PDE1C: variants seen among roughly 807,000 people sequenced by gnomAD.
The protein encoded by PDE1C is dual specificity calcium/calmodulin-dependent 3',5'-cyclic nucleotide phosphodiesterase 1C.
PDE1C carries 62 observed loss-of-function variants against 93.1 expected under a neutral mutation model. The ratio of observed to expected loss-of-function variants is 0.67; its 90% CI spans 0.54 to 0.82. The LOEUF is 0.82. Ranked by LOEUF, PDE1C falls within the 40% of genes least tolerant of loss-of-function variation. PDE1C has a pLI of 0.00. For synonymous variants in PDE1C, 325 were observed against 310.1 expected, an observed-to-expected ratio of 1.05 and a Z score of -0.50; for missense variants, 742 against 884.6, an observed-to-expected ratio of 0.84 and a Z score of 2.04.
At chr7:31,819,112 T>G in intron 14 of PDE1C, among the ~76,000 whole-genome samples, 1 of 152,166 alleles carries the variant, frequency 6.6e-6, no homozygotes, top group East Asian at 1.9e-4. Flanking sequence ...GAGCCTATCC[T>G]ACTGTATGAT....
the PDE1C span, among the ~76,000 whole-genome samples, chr7:31,626,648 G>C: frequency 6.6e-6 from 1 of 152,158 alleles, no homozygotes; most frequent in East Asian, 1.9e-4. Context: ...GTGACACCAT[G>C]CTGTAAAGGA....
At chr7:32,130,580 A>G (rs1378642623) in intron 3 of PDE1C, among the ~76,000 whole-genome samples, 2 of 151,964 alleles carry the variant, frequency 1.3e-5, no homozygotes, top group East Asian at 3.9e-4. Flanking sequence ...TTGTTCCTCA[A>G]CCTCAAAATA....
At chr7:31,712,286 G>GTGAGTGAATGAA in the PDE1C span, among the ~76,000 whole-genome samples, 12 of 151,406 alleles carry the variant, frequency 7.9e-5, no homozygotes, top group African/African-American at 2.9e-4. Context: ...GAGTGAGTGA[G>GTGAGTGAATGAA]TGAATGAATG....
chr7:32,000,155 T>A (rs537734735), intron 2 of PDE1C, among the ~76,000 whole-genome samples: 1 of 152,212 alleles, frequency 6.6e-6, no homozygotes, highest in Non-Finnish European at 1.5e-5. Flanking sequence ...TAGACTGTAC[T>A]AATGTAAACT....
intron 3 of PDE1C, among the ~76,000 whole-genome samples, chr7:32,095,352 A>C (rs1023674828): frequency 6.6e-6 from 1 of 152,240 alleles, no homozygotes; most frequent in African/African-American, 2.4e-5. Flanking sequence ...TGCCCATGAC[A>C]GGCAGATCCA....
chr7:32,422,198 A>C (rs1214912104), intron 1 of PDE1C, among the ~76,000 whole-genome samples: 3 of 152,162 alleles, frequency 2.0e-5, no homozygotes, highest in Non-Finnish European at 4.4e-5. Context: ...ATTTAGATTA[A>C]CTCAGCGCAG....
At chr7:31,642,062 C>A in the PDE1C span, 1 of 568,576 alleles carries the variant, frequency 1.8e-6, no homozygotes, top group South Asian at 3.3e-5. Flanking sequence ...TTCTTCCACA[C>A]AGTGGGCATT....
chr7:32,294,739 T>C (rs1461945373), intron 1 of PDE1C, among the ~76,000 whole-genome samples: 2 of 152,174 alleles, frequency 1.3e-5, no homozygotes, highest in Non-Finnish European at 2.9e-5. Context: ...AAATACAAGG[T>C]ACTGCACCTA....
At chr7:32,085,941 C>T (rs1387485511) in intron 3 of PDE1C, among the ~76,000 whole-genome samples, 1 of 150,758 alleles carries the variant, frequency 6.6e-6, no homozygotes, top group East Asian at 1.9e-4. Flanking sequence ...TGAAAACTGA[C>T]ACAAGACAGG....
At chr7:32,370,229 C>T (rs1311924502) in intron 1 of PDE1C, among the ~76,000 whole-genome samples, 4 of 152,110 alleles carry the variant, frequency 2.6e-5, no homozygotes, top group Non-Finnish European at 5.9e-5. Flanking sequence ...GAGGGCGGAT[C>T]ACGAGGTCAG....
Position 31,753,570 on chromosome 7 carries a change from G to A in PDE1C, c.1961-17C>T, listed in dbSNP as rs760096964. Reference sequence around the variant, plus strand: ...GCTTGATGACTGGCGGCCATGGAAAGGAAGACAGACAACGGTTAGCCTCAC... The same window carrying A: ...GCTTGATGACTGGCGGCCATGGAAAAGAAGACAGACAACGGTTAGCCTCAC... On this transcript the variant is annotated splice_polypyrimidine_tract_variant and intron_variant, in intron 17 of 17. Coordinates refer to ENST00000396191, the MANE Select transcript of PDE1C (RefSeq NM_001191057.4). The A allele has an allele frequency of 1.5e-5, 24 of 1,605,250 alleles. No individual in the cohort carries two copies. Among genetic ancestry groups the A allele is most frequent in the African/African-American group, 2.7e-5 (2 of 74,594 alleles).
At chr7:32,056,709 T>C (rs964851288) in intron 1 of PDE1C, among the ~76,000 whole-genome samples, 5 of 152,312 alleles carry the variant, frequency 3.3e-5, no homozygotes, top group Admixed American at 6.5e-5. Context: ...AACAGTAGTA[T>C]TGCATAAATA....
intron 16 of PDE1C, among the ~76,000 whole-genome samples, chr7:31,794,259 A>G (rs1162681658): frequency 6.6e-6 from 1 of 152,018 alleles, no homozygotes; most frequent in Non-Finnish European, 1.5e-5. Flanking sequence ...AGTACAAAGA[A>G]CAGTTAGTTT....
intron 2 of PDE1C, among the ~76,000 whole-genome samples, chr7:32,010,820 T>C (rs1725691474): frequency 6.6e-6 from 1 of 152,142 alleles, no homozygotes; most frequent in Non-Finnish European, 1.5e-5. Flanking sequence ...TCTAAATTCC[T>C]CCTTTTTATA....
intron 1 of PDE1C, among the ~76,000 whole-genome samples, chr7:32,252,648 G>A (rs576308506): frequency 6.6e-6 from 1 of 152,260 alleles, no homozygotes; most frequent in African/African-American, 2.4e-5. Flanking sequence ...CACAGAGGAG[G>A]GTGGGAGAGA....
In PDE1C at chr7:31,889,519, G is replaced by C. The variant is rs560693624; in HGVS notation, c.129-8659C>G. ...GGGCATCACTGCATACTCTGTCTTG[G>C]TTGCCATGGATTTTCTGATGAATAT... On this transcript the variant is annotated intron_variant, in intron 2 of 17. Coordinates refer to ENST00000396191, the MANE Select transcript of PDE1C (RefSeq NM_001191057.4). 3.9e-5 allele frequency among the ~76,000 whole-genome samples: 6 copies of C among 152,256 alleles called. No homozygotes were observed. The East Asian group carries it at 1.2e-3, about 29-fold the overall frequency.
intron 17 of PDE1C, among the ~76,000 whole-genome samples, chr7:31,772,755 G>A (rs1655650153): frequency 6.6e-6 from 1 of 152,094 alleles, no homozygotes; most frequent in South Asian, 2.1e-4. Context: ...TCATGTAGGT[G>A]GTGTTGAAGA....
chr7:32,379,216 T>C (rs1784488495), intron 1 of PDE1C, among the ~76,000 whole-genome samples: 1 of 152,180 alleles, frequency 6.6e-6, no homozygotes, highest in Non-Finnish European at 1.5e-5. Context: ...TGAGGGCATG[T>C]TGATTCACTG....
chr7:31,707,882 T>C, the PDE1C span: 1 of 152,282 alleles, frequency 6.6e-6, no homozygotes, highest in Non-Finnish European at 1.5e-5. Context: ...CAGCCCACCA[T>C]GCCTTGGCTG....
Sources: allele counts gnomAD v4.1 joint callset (sites outside exome capture counted in the v4.1 genomes callset), GRCh38; gene constraint gnomAD v4.1.1; transcripts MANE v1.5; gene names NCBI Gene and HGNC (gene_info 2026-07-23, HGNC 2026-07-21).